Variants in TTBK1 observed in about 807,000 individuals in gnomAD.
TTBK1 encodes the protein tau-tubulin kinase 1.
In TTBK1, 34 loss-of-function variants were observed where a neutral mutation model predicts 108.5. That is an observed-to-expected ratio of 0.31 (90% CI 0.24 to 0.42). TTBK1 has a LOEUF of 0.42. Ranked by LOEUF, TTBK1 falls within the 10% of genes least tolerant of loss-of-function variation. The pLI is 1.00. For synonymous variants in TTBK1, 809 were observed against 795.1 expected (o/e 1.02, Z -0.29); for missense variants, 1,539 against 1,826.0 (o/e 0.84, Z 2.86).
chr6:43,269,755 CCGG>C lies in TTBK1; in HGVS notation c.1986+6416_1986+6418del, dbSNP rs747752435. ...CTGGAGACGGAGCATTACCCTCACC[CCGG>C]CGGCGGCGGCTCCTCGGGCTCCTCC... On this transcript the variant is annotated intron_variant, in intron 13 of 14. Transcript: ENST00000259750. The surrounding 1 kb of genome is among the most constrained non-coding windows in gnomAD (Gnocchi z 4.8). 5.6e-6 allele frequency: 9 copies of C among 1,602,494 alleles called. No homozygotes were observed. The highest frequency in any genetic ancestry group is 1.3e-5 in the African/African-American group (1 of 74,918).
intron 13 of TTBK1, chr6:43,271,761 CTATTTATTTATT>C (rs35217249): frequency 3.2e-5 from 31 of 955,330 alleles, no homozygotes; most frequent in South Asian, 2.4e-4. Flanking sequence ...CTTTGTAAGT[CTATTTATTTATT>C]TATTTATTTA....
Position 43,269,851 on chromosome 6 carries a change from C to A in TTBK1, c.1986+6501C>A, listed in dbSNP as rs1413346384. The A allele has an allele frequency of 6.5e-7, 1 of 1,534,160 alleles. No homozygotes were observed. The highest frequency in any genetic ancestry group is 8.7e-7 in the Non-Finnish European group (1 of 1,145,564). On this transcript the variant is annotated intron_variant, in intron 13 of 14. Coordinates refer to ENST00000259750, the MANE Select transcript of TTBK1 (RefSeq NM_032538.3). The surrounding 1 kb of genome is among the most constrained non-coding windows in gnomAD (Gnocchi z 4.8). ...GTGCGGGCGCCCCACCGGCGCCACG[C>A]GCCCCTCGCTGCTGGCAACCACAGA...
chr6:43,259,990 G>A lies in TTBK1; in HGVS notation c.1424+284G>A, dbSNP rs558283503. Among the ~76,000 whole-genome samples the A allele has an allele frequency of 6.6e-6, 1 of 152,220 alleles. No homozygotes were observed. The highest frequency in any genetic ancestry group is 2.1e-4 in the South Asian group (1 of 4,818). On this transcript the variant is annotated intron_variant, in intron 12 of 14. Coordinates refer to ENST00000259750, the MANE Select transcript of TTBK1 (RefSeq NM_032538.3). The surrounding 1 kb of genome is among the most constrained non-coding windows in gnomAD (Gnocchi z 6.7). ...GCGCCTGGGCCCAGGAAGGGTGAGG[G>A]GCGAGTTGGTTGGTGGGTGTGTGTG...
chr6:43,270,229 G>C, intron 13 of TTBK1: 1 of 1,262,526 alleles, frequency 7.9e-7, no homozygotes, highest in African/African-American at 1.6e-5. Context: ...GACAGGGCAG[G>C]GGCGCTCAGC....
At chr6:43,254,813 T>C (rs1411485789) in intron 6 of TTBK1, among the ~76,000 whole-genome samples, 162 bp downstream of exon 6, 1 of 152,016 alleles carries the variant, frequency 6.6e-6, no homozygotes, top group Non-Finnish European at 1.5e-5. Context: ...CTGTCCCCTC[T>C]CGCCGTTAGC....
chr6:43,248,782 C>T (rs1006182275), intron 2 of TTBK1, among the ~76,000 whole-genome samples: 4 of 152,116 alleles, frequency 2.6e-5, no homozygotes, highest in Admixed American at 2.6e-4. Context: ...CGCTTGAGCC[C>T]AGGAGTTCAA....
intron 13 of TTBK1, chr6:43,271,374 T>G: frequency 1.0e-6 from 1 of 985,414 alleles, no homozygotes; most frequent in Non-Finnish European, 1.2e-6. Flanking sequence ...GAAGTGCCAT[T>G]TACATAGACC....
intron 12 of TTBK1, among the ~76,000 whole-genome samples, chr6:43,262,558 T>C (rs1354208403): frequency 1.3e-5 from 2 of 152,156 alleles, no homozygotes; most frequent in Non-Finnish European, 2.9e-5. Flanking sequence ...AAAACATTTG[T>C]TGAATGAATG....
chr6:43,267,625 T>G (rs112558766), intron 13 of TTBK1, among the ~76,000 whole-genome samples: 3,527 of 151,768 alleles, frequency 0.023, 50 homozygotes, highest in Non-Finnish European at 0.038. Flanking sequence ...TGATGGTGGG[T>G]TTTTTTGTTT....
intron 13 of TTBK1, chr6:43,271,235 T>G: frequency 1.0e-6 from 1 of 985,518 alleles, no homozygotes. Flanking sequence ...TCAGTGAGAC[T>G]GTGTCTGTAT....
chr6:43,257,693 A>G lies in TTBK1; in HGVS notation c.862-119A>G. On this transcript the variant is annotated intron_variant, in intron 9 of 14. Transcript: ENST00000259750. The surrounding 1 kb of genome is among the most constrained non-coding windows in gnomAD (Gnocchi z 4.5). ...CCGTTCTCCTTCCAATGCCCCCTCCAGGCCCATTCCTGTCCTGGAAAGTCC... is the reference window on the plus strand; with the variant it reads ...CCGTTCTCCTTCCAATGCCCCCTCCGGGCCCATTCCTGTCCTGGAAAGTCC... 2.0e-6 allele frequency: 2 copies of G among 988,400 alleles called. No individual in the cohort carries two copies. Among genetic ancestry groups the G allele is most frequent in the Non-Finnish European group, 3.0e-6 (2 of 658,888 alleles). The allele number at this position is 988,400 out of a possible 1,614,324, so 61.2% of individuals were successfully genotyped here.
chr6:43,246,552 G>T (rs1777090495), intron 1 of TTBK1, 55 bp from the exon 2 acceptor site: 4 of 699,920 alleles, frequency 5.7e-6, no homozygotes, highest in Non-Finnish European at 9.5e-6. Flanking sequence ...CTCCATATCT[G>T]CCAGGTGGTC....
chr6:43,271,195 G>A, intron 13 of TTBK1: 1 of 985,500 alleles, frequency 1.0e-6, no homozygotes, highest in Non-Finnish European at 1.2e-6. Flanking sequence ...GGGGAGGGGA[G>A]GAGGCCCAAA....
rs1467757056 is a variant in TTBK1, at chr6:43,287,832, A to G, written c.*2456A>G. On this transcript the variant is annotated 3_prime_UTR_variant, in exon 15 of 15. Coordinates refer to ENST00000259750, the MANE Select transcript of TTBK1 (RefSeq NM_032538.3). The surrounding 1 kb of genome is among the most constrained non-coding windows in gnomAD (Gnocchi z 4.1). ...CCACCTCCCTCAGCACTTCCCCATC[A>G]CAACAACCTATGTCACTGACTCAGA... is the stretch of plus-strand genomic sequence containing the variant. The G allele has an allele frequency of 2.0e-5, 3 of 152,382 alleles. No individual in the cohort carries two copies. The highest frequency in any genetic ancestry group is 7.3e-5 in the African/African-American group (3 of 41,368). 9.4% of individuals were successfully genotyped at this position (152,382 alleles called of 1,614,324 possible). A position where few individuals can be genotyped will look rare whatever the true frequency, so the allele number is the denominator to read the frequency against.
rs200556050 is a variant in TTBK1, at chr6:43,282,946, G to C, written c.2206G>C (p.Glu736Gln). The change falls in exon 14 of 15, where the codon GAG (glutamate) becomes CAG (glutamine). Residue 736 changes from glutamate to glutamine, a missense_variant. Glu to Gln is a conservative substitution (Grantham distance 29). Around this residue, in one of 5 missense-constraint regions of TTBK1, gnomAD observed 1,055 missense variants for 1,086.5 expected, o/e 0.97. Transcript: ENST00000259750. The surrounding 1 kb of genome is among the most constrained non-coding windows in gnomAD (Gnocchi z 5.4). ...TCAGGCTAATGGGAAGGAGGAAGAG[G>C]AGGAGGAGGAGGAAGATGAGGAAGA... Reference protein sequence around the residue: ...QPQANGKEEEEEEEEDEEEEE... With the variant: ...QPQANGKEEEQEEEEDEEEEE... 7 of 1,608,408 alleles carry C rather than the reference G, an allele frequency of 4.4e-6. No homozygotes were observed. In the South Asian group the frequency reaches 6.6e-5, roughly 15 times the overall value.
chr6:43,259,489 C>T lies in TTBK1; in HGVS notation c.1249-42C>T, dbSNP rs368367204. The T allele has an allele frequency of 7.2e-6, 11 of 1,517,418 alleles. No homozygotes were observed. In the African/African-American group the frequency reaches 8.4e-5, roughly 12 times the overall value. The allele number at this position is 1,517,418 out of a possible 1,614,324, so 94.0% of individuals were successfully genotyped here. ...CCTGAGGAGACCATCCGCCCACAGCCGCCTCATCAGCCCCAGCTCATGGCA... is the reference window on the plus strand; with the variant it reads ...CCTGAGGAGACCATCCGCCCACAGCTGCCTCATCAGCCCCAGCTCATGGCA... On this transcript the variant is annotated intron_variant, in intron 11 of 14. Transcript: ENST00000259750. This position sits in a 1 kb window ranked among gnomAD's most constrained non-coding sequence, Gnocchi z 6.7.
At position 43,283,035 on chromosome 6, in the gene TTBK1, G is replaced by T; in HGVS notation, c.2295G>T (p.Glu765Asp). The stretch of plus-strand genomic sequence containing the variant: ...AAGAGGAGGAGGAAGAAGAGGAGGA[G>T]GAGGAAGAGGAGGAGGAGGCTGCAG... The part of the protein sequence containing the change: ...EEEEEEEEEE[E>D]EEEEEEAAAA... The change falls in exon 14 of 15, where the codon GAG (glutamate) becomes GAT (aspartate). Residue 765 changes from glutamate (E) to aspartate (D), a missense_variant. Coordinates refer to ENST00000259750, the MANE Select transcript of TTBK1 (RefSeq NM_032538.3). The surrounding 1 kb of genome is among the most constrained non-coding windows in gnomAD (Gnocchi z 8.1). 6.3e-7 allele frequency: 1 copy of T among 1,589,362 alleles called. No individual in the cohort carries two copies. Among genetic ancestry groups the T allele is most frequent in the East Asian group, 2.3e-5 (1 of 43,792 alleles).
In TTBK1 at chr6:43,288,026, T is replaced by C. The variant is rs1439332738; in HGVS notation, c.*2650T>C. 6 of 152,580 alleles carry C rather than the reference T, an allele frequency of 3.9e-5. No individual in the cohort carries two copies. The highest frequency in any genetic ancestry group is 1.4e-4 in the African/African-American group (6 of 41,458). The allele number at this position is 152,580 out of a possible 1,614,324, so 9.5% of individuals were successfully genotyped here. A position where few individuals can be genotyped will look rare whatever the true frequency, so the allele number is the denominator to read the frequency against. On this transcript the variant is annotated 3_prime_UTR_variant, in exon 15 of 15. Transcript: ENST00000259750. This position sits in a 1 kb window ranked among gnomAD's most constrained non-coding sequence, Gnocchi z 4.4. ...CTCCAGGGACCAGCCCTGGTGGGCATGGGGTGGGGAGCAGGGAGTTGCCCT... is the reference window on the plus strand; with the variant it reads ...CTCCAGGGACCAGCCCTGGTGGGCACGGGGTGGGGAGCAGGGAGTTGCCCT...
In TTBK1 at chr6:43,271,463, A is replaced by G. The variant is rs1277695692; in HGVS notation, c.1986+8113A>G. ...GCACATGTGTGTTAGGGAGCCAGAA[A>G]GATGTCTATGCAGTCATTGGTAGTT... is the stretch of plus-strand genomic sequence containing the variant. On this transcript the variant is annotated intron_variant, in intron 13 of 14. Transcript: ENST00000259750. 6.1e-6 allele frequency: 6 copies of G among 985,430 alleles called. No individual in the cohort carries two copies. In the East Asian group the frequency reaches 3.4e-4, roughly 56 times the overall value. 61.0% of individuals were successfully genotyped at this position (985,430 alleles called of 1,614,324 possible). A position where few individuals can be genotyped will look rare whatever the true frequency, so the allele number is the denominator to read the frequency against.
Sources: gnomAD v4.1 joint callset for allele counts (sites outside exome capture counted in the v4.1 genomes callset) on GRCh38, gnomAD v4.1.1 for gene constraint, gnomAD v4.1.1 regional missense constraint, Gnocchi (gnomAD v3.1) non-coding constraint, MANE v1.5 for transcripts, NCBI Gene and HGNC (gene_info 2026-07-23, HGNC 2026-07-21) for gene names.